The following TRIP4 variants were observed in gnomAD, a reference collection of about 807,000 sequenced individuals.
The protein encoded by TRIP4 is activating signal cointegrator 1.
TRIP4 carries 54 observed loss-of-function variants against 81.8 expected under a neutral mutation model. The ratio of observed to expected loss-of-function variants is 0.66; its 90% CI spans 0.53 to 0.83. The LOEUF (loss-of-function observed/expected upper bound fraction) is 0.83. Ranked by LOEUF, TRIP4 falls within the 40% of genes least tolerant of loss-of-function variation. The pLI, the probability that TRIP4 is intolerant of heterozygous loss-of-function variation, is 0.00. For missense variants in TRIP4, 662 were observed against 683.6 expected (o/e 0.97, Z 0.35); for synonymous variants, 270 against 242.8 (o/e 1.11, Z -1.04).
chr15:64,400,760 A>G lies in TRIP4; in HGVS notation c.636A>G (p.Glu212=), dbSNP rs1891477738. Residue 212 remains glutamate, a synonymous_variant, in exon 5 of 13, where the codon GAA becomes GAG. Coordinates refer to ENST00000261884, the MANE Select transcript of TRIP4 (RefSeq NM_016213.5). ...TTTTACAGGTGTGTACTCATGAGGA[A>G]CAAGATATTTTACAGCGTGACTCAA... ...FCGTLVCTHE[E]QDILQRDSNK... is the part of the protein sequence containing the mutation. The G allele has an allele frequency of 6.2e-7, 1 of 1,614,038 alleles. No individual in the cohort carries two copies. The highest frequency in any genetic ancestry group is 1.7e-5 in the Admixed American group (1 of 60,004).
chr15:64,394,745 T>G (rs534602506), intron 2 of TRIP4, among the ~76,000 whole-genome samples: 1 of 152,202 alleles, frequency 6.6e-6, no homozygotes, highest in East Asian at 1.9e-4. Context: ...AAAGTGTTGA[T>G]TGACTATAGT....
chr15:64,436,593 A>C (rs184123254), intron 11 of TRIP4, among the ~76,000 whole-genome samples: 89 of 150,410 alleles, frequency 5.9e-4, no homozygotes, highest in South Asian at 1.9e-3. Flanking sequence ...TCCATCAACA[A>C]AAAAAAAATC....
chr15:64,445,297 T>C, intron 12 of TRIP4, 189 bp downstream of exon 12: 1 of 384,846 alleles, frequency 2.6e-6, no homozygotes, highest in East Asian at 4.4e-5. Flanking sequence ...TTTCTTTTTT[T>C]TTGTCTTGCA....
intron 1 of TRIP4, among the ~76,000 whole-genome samples, chr15:64,391,498 A>C (rs76515898): frequency 1.3e-5 from 2 of 152,080 alleles, no homozygotes; most frequent in African/African-American, 4.8e-5. Context: ...ATAAATAGCT[A>C]TCCACAGAGT....
intron 4 of TRIP4, among the ~76,000 whole-genome samples, chr15:64,399,518 G>T (rs1891437260): frequency 6.6e-6 from 1 of 151,770 alleles, no homozygotes; most frequent in South Asian, 2.1e-4. Flanking sequence ...TTGTTTGTTT[G>T]TTTTTTGAGA....
At chr15:64,422,436 T>C (rs1892040562) in intron 9 of TRIP4, among the ~76,000 whole-genome samples, 1 of 152,218 alleles carries the variant, frequency 6.6e-6, no homozygotes. Context: ...TCTATTGTGT[T>C]AAGGTGCACT....
intron 3 of TRIP4, among the ~76,000 whole-genome samples, chr15:64,396,737 C>A (rs1900306772): frequency 6.6e-6 from 1 of 152,138 alleles, no homozygotes; most frequent in Non-Finnish European, 1.5e-5. Flanking sequence ...AGTGAACATT[C>A]TTGTATGTAT....
At chr15:64,403,918 A>G (rs1488032368) in intron 5 of TRIP4, among the ~76,000 whole-genome samples, 3 of 152,178 alleles carry the variant, frequency 2.0e-5, no homozygotes, top group Non-Finnish European at 4.4e-5. Context: ...ATAGCCGGGC[A>G]TGGTGGCTCA....
chr15:64,403,221 A>G lies in TRIP4; in HGVS notation c.697+2400A>G, dbSNP rs956480570. On this transcript the variant is annotated intron_variant, in intron 5 of 12. Coordinates refer to ENST00000261884, the MANE Select transcript of TRIP4 (RefSeq NM_016213.5). ...GCCCGGGCTGGAGTGCAGTGGCGCA[A>G]TCTTGGCTGACTGCAACCTCTGCCT... Among the ~76,000 whole-genome samples, 20 of 151,598 alleles carry G rather than the reference A, an allele frequency of 1.3e-4. 1 individual carries two copies. The highest frequency in any genetic ancestry group is 2.6e-4 in the Admixed American group (4 of 15,174).
At position 64,410,088 on chromosome 15, in the gene TRIP4, T is replaced by A. The variant is rs572576326; in HGVS notation, c.1043+260T>A. ...TTGCCCAGGCTGGAGTGCAGTGGCC[T>A]GATCTTGGCTCACTGCAACCTCCGC... On this transcript the variant is annotated intron_variant, in intron 7 of 12. Transcript: ENST00000261884. Among the ~76,000 whole-genome samples, 8 of 149,246 alleles carry A rather than the reference T, an allele frequency of 5.4e-5. No individual in the cohort carries two copies. The South Asian group carries it at 1.8e-3, about 33-fold the overall frequency.
At chr15:64,415,598 C>A (rs577769305) in intron 8 of TRIP4, among the ~76,000 whole-genome samples, 19 of 152,244 alleles carry the variant, frequency 1.2e-4, no homozygotes, top group African/African-American at 4.6e-4. Flanking sequence ...GGACTTCTTC[C>A]CCATGTGTGT....
At chr15:64,420,421 G>C (rs1224245404) in intron 9 of TRIP4, among the ~76,000 whole-genome samples, 1 of 151,784 alleles carries the variant, frequency 6.6e-6, no homozygotes, top group African/African-American at 2.4e-5. Flanking sequence ...GCGCCCGGCT[G>C]TTTCTATTTT....
chr15:64,438,392 T>C (rs900173699), intron 11 of TRIP4, among the ~76,000 whole-genome samples: 2 of 152,224 alleles, frequency 1.3e-5, no homozygotes, highest in Non-Finnish European at 2.9e-5. Context: ...CGATCTCAGC[T>C]CACTGCAACC....
chr15:64,395,875 G>A (rs1431155105), intron 3 of TRIP4, among the ~76,000 whole-genome samples: 3 of 151,194 alleles, frequency 2.0e-5, no homozygotes, highest in Non-Finnish European at 2.9e-5. Flanking sequence ...CGAATAGCTG[G>A]GACTACAGGC....
chr15:64,423,440 C>A (rs2140300243), intron 9 of TRIP4, among the ~76,000 whole-genome samples: 1 of 106,324 alleles, frequency 9.4e-6, no homozygotes, highest in South Asian at 3.2e-4. Context: ...TCCAGTCTGG[C>A]AACAGAGCGA....
intron 2 of TRIP4, 26 bp downstream of exon 2, chr15:64,394,141 T>A: frequency 6.5e-7 from 1 of 1,547,804 alleles, no homozygotes; most frequent in Non-Finnish European, 8.7e-7. Context: ...TATGCAAATG[T>A]TGAAATATTG....
intron 11 of TRIP4, among the ~76,000 whole-genome samples, chr15:64,431,471 AG>A (rs1447029429): frequency 6.6e-6 from 1 of 152,096 alleles, no homozygotes; most frequent in Non-Finnish European, 1.5e-5. Context: ...TGGGAGGCGG[AG>A]GCTGGTGGAT....
At chr15:64,449,212 T>TAA (rs35793760) in intron 12 of TRIP4, among the ~76,000 whole-genome samples, 1 of 144,886 alleles carries the variant, frequency 6.9e-6, no homozygotes, top group African/African-American at 2.5e-5. Context: ...ACCCTGTCTC[T>TAA]AAAAAAAAAA....
chr15:64,433,133 A>G (rs1892314332), intron 11 of TRIP4, among the ~76,000 whole-genome samples: 1 of 152,174 alleles, frequency 6.6e-6, no homozygotes, highest in Non-Finnish European at 1.5e-5. Flanking sequence ...TCTCTGAGAA[A>G]AATAAAGGAG....
Sources: allele counts gnomAD v4.1 joint callset (sites outside exome capture counted in the v4.1 genomes callset), GRCh38; gene constraint gnomAD v4.1.1; transcripts MANE v1.5; gene names NCBI Gene and HGNC (gene_info 2026-07-23, HGNC 2026-07-21).